The following NDC80 variants were observed in gnomAD, a reference collection of about 807,000 sequenced individuals.
NDC80 encodes the protein kinetochore protein NDC80 homolog.
NDC80 carries 69 observed loss-of-function variants against 89.3 expected under a neutral mutation model. The ratio of observed to expected loss-of-function variants is 0.77; its 90% CI spans 0.64 to 0.94. The LOEUF (loss-of-function observed/expected upper bound fraction) is 0.94, where lower values mean the gene tolerates loss of function less well. Among genes scored for constraint, NDC80 ranks in the 40% least tolerant of loss-of-function variants. The pLI is 0.00. For synonymous variants in NDC80, 243 were observed against 255.6 expected, an observed-to-expected ratio of 0.95 and a Z score of 0.47; for missense variants, 593 against 739.6, an observed-to-expected ratio of 0.80 and a Z score of 2.30.
At chr18:2,609,338 C>A (rs143207755) in intron 15 of NDC80, among the ~76,000 whole-genome samples, 5 of 152,088 alleles carry the variant, frequency 3.3e-5, no homozygotes, top group Middle Eastern at 3.4e-3. Flanking sequence ...ACAGGACCTA[C>A]GGGAAAACTG....
intron 16 of NDC80, among the ~76,000 whole-genome samples, chr18:2,613,147 T>A (rs1187299074): frequency 6.6e-6 from 1 of 152,238 alleles, no homozygotes; most frequent in Non-Finnish European, 1.5e-5. Context: ...GCAGGCCCAA[T>A]TGGGCCTACA....
At chr18:2,591,595 TTA>T (rs573931902) in intron 10 of NDC80, among the ~76,000 whole-genome samples, 2 of 151,500 alleles carry the variant, frequency 1.3e-5, no homozygotes, top group Non-Finnish European at 2.9e-5. Flanking sequence ...TAACTCTGAT[TTA>T]TATATATATA....
chr18:2,610,088 A>G (rs1375085093), intron 15 of NDC80, among the ~76,000 whole-genome samples: 2 of 152,230 alleles, frequency 1.3e-5, no homozygotes, highest in Middle Eastern at 3.2e-3. Flanking sequence ...TAGCCACACT[A>G]TATAATAACT....
chr18:2,580,837 G>T (rs190788199), intron 6 of NDC80, among the ~76,000 whole-genome samples: 1 of 136,776 alleles, frequency 7.3e-6, no homozygotes, highest in East Asian at 2.4e-4. Flanking sequence ...CACCTCCCAG[G>T]TTCAAACAGT....
chr18:2,609,422 T>A (rs1159571180), intron 15 of NDC80, among the ~76,000 whole-genome samples: 1 of 152,044 alleles, frequency 6.6e-6, no homozygotes, highest in African/African-American at 2.4e-5. Flanking sequence ...CAGCTACTCA[T>A]GAGGCCGAGA....
At chr18:2,611,280 C>T (rs1226955584) in intron 16 of NDC80, among the ~76,000 whole-genome samples, 4 of 152,132 alleles carry the variant, frequency 2.6e-5, no homozygotes, top group Non-Finnish European at 5.9e-5. Context: ...AACTCCTGAC[C>T]TCAGGTGATT....
intron 5 of NDC80, 116 bp downstream of exon 5, chr18:2,578,257 T>A: frequency 2.1e-6 from 2 of 971,182 alleles, no homozygotes; most frequent in Non-Finnish European, 3.0e-6. Flanking sequence ...ATGACCACTG[T>A]GGGCAATATA....
At chr18:2,601,160 T>TTC (rs2072682084) in intron 12 of NDC80, among the ~76,000 whole-genome samples, 1 of 152,220 alleles carries the variant, frequency 6.6e-6, no homozygotes, top group Non-Finnish European at 1.5e-5. Context: ...CCAGGATAGA[T>TTC]GAGCAAATCT....
In NDC80 at chr18:2,599,218, G is replaced by A. The variant is rs767512606; in HGVS notation, c.1374+47G>A. 2.0e-6 allele frequency: 3 copies of A among 1,511,896 alleles called. No homozygotes were observed. The African/African-American group carries it at 4.2e-5, about 21-fold the overall frequency. 93.7% of individuals were successfully genotyped at this position (1,511,896 alleles called of 1,614,324 possible). A position where few individuals can be genotyped will look rare whatever the true frequency, so the allele number is the denominator to read the frequency against. On this transcript the variant is annotated intron_variant, in intron 12 of 16. Transcript: ENST00000261597. Reference sequence around the variant, plus strand: ...TAAGATTTTTTTAATTCTGTGATTGGTATCTCTAAGAGTTTGAACTTTGGC... The same window carrying A: ...TAAGATTTTTTTAATTCTGTGATTGATATCTCTAAGAGTTTGAACTTTGGC...
chr18:2,579,102 C>A, intron 6 of NDC80, 73 bp downstream of exon 6: 1 of 874,608 alleles, frequency 1.1e-6, no homozygotes, highest in Non-Finnish European at 1.6e-6. Context: ...TTTTCTCTCC[C>A]AGTCTTTTGA....
At chr18:2,581,095 T>C (rs2072575814) in intron 6 of NDC80, among the ~76,000 whole-genome samples, 1 of 152,132 alleles carries the variant, frequency 6.6e-6, no homozygotes, top group African/African-American at 2.4e-5. Context: ...CTTTGCATGA[T>C]GTGATGTATT....
chr18:2,611,188 A>G (rs895590875), intron 16 of NDC80, among the ~76,000 whole-genome samples: 2 of 151,500 alleles, frequency 1.3e-5, no homozygotes, highest in Admixed American at 1.3e-4. Context: ...ACCTGGGATT[A>G]CAGGAGCCTG....
intron 16 of NDC80, 151 bp downstream of exon 16, chr18:2,611,012 A>C: frequency 3.0e-6 from 1 of 328,984 alleles, no homozygotes; most frequent in Non-Finnish European, 5.5e-6. Context: ...TTGTCTAGTG[A>C]TGTGGCAACG....
At chr18:2,614,457 AAG>A (rs1598248471) in intron 16 of NDC80, 1 of 6,434 alleles carries the variant, frequency 1.6e-4, no homozygotes, top group Non-Finnish European at 2.7e-4. Context: ...GAAAGAAAGA[AAG>A]AAAGAAAGAA....
intron 10 of NDC80, among the ~76,000 whole-genome samples, chr18:2,591,762 T>C (rs1229159709): frequency 6.6e-6 from 1 of 150,810 alleles, no homozygotes; most frequent in East Asian, 1.9e-4. Context: ...ATACTTTTTT[T>C]TTTTTTTTTT....
chr18:2,605,274 ATGTGTGTGTGTG>A (rs60324126), intron 13 of NDC80, among the ~76,000 whole-genome samples: 19,921 of 127,170 alleles, frequency 0.16, 1,391 homozygotes, highest in South Asian at 0.23. Context: ...GGCTATATGT[ATGTGTGTGTGTG>A]TGTGTGTGTG....
intron 14 of NDC80, among the ~76,000 whole-genome samples, chr18:2,607,987 AT>A (rs1403826116): frequency 1.5e-5 from 2 of 129,202 alleles, no homozygotes; most frequent in African/African-American, 5.5e-5. Context: ...ATATATATAT[AT>A]ATATATATAT....
intron 6 of NDC80, among the ~76,000 whole-genome samples, chr18:2,583,170 A>G (rs1323491274): frequency 6.6e-6 from 1 of 152,246 alleles, no homozygotes; most frequent in Admixed American, 6.5e-5. Context: ...TTACAGGTTG[A>G]AACTATTTCA....
chr18:2,579,070 G>A, intron 6 of NDC80, 41 bp downstream of exon 6: 1 of 1,240,026 alleles, frequency 8.1e-7, no homozygotes, highest in Non-Finnish European at 1.1e-6. Flanking sequence ...ATGGGAAAGG[G>A]TTTTTTTCCT....
Sources: gnomAD v4.1 joint callset for allele counts (sites outside exome capture counted in the v4.1 genomes callset) on GRCh38, gnomAD v4.1.1 for gene constraint, MANE v1.5 for transcripts, NCBI Gene and HGNC (gene_info 2026-07-23, HGNC 2026-07-21) for gene names.